CACNA2D1: variants seen among roughly 807,000 people sequenced by gnomAD.
CACNA2D1 encodes the protein calcium voltage-gated channel auxiliary subunit alpha2delta 1.
In CACNA2D1, 53 loss-of-function variants were observed where a neutral mutation model predicts 171.5. The ratio of observed to expected loss-of-function variants is 0.31; its 90% CI spans 0.25 to 0.39. The LOEUF is 0.39. CACNA2D1 is among the 10% of genes least tolerant of loss of function. The pLI is 1.00. For synonymous variants in CACNA2D1, 442 were observed against 443.1 expected, an observed-to-expected ratio of 1.00 and a Z score of 0.03; for missense variants, 903 against 1,299.8, an observed-to-expected ratio of 0.69 and a Z score of 4.69.
At chr7:82,198,298 C>T (rs1005207219) in intron 3 of CACNA2D1, among the ~76,000 whole-genome samples, 1 of 152,070 alleles carries the variant, frequency 6.6e-6, no homozygotes, top group Non-Finnish European at 1.5e-5. Context: ...GCACAAAGTA[C>T]TATGCTCCTA....
At chr7:82,173,639 C>T (rs3801720) in intron 3 of CACNA2D1, among the ~76,000 whole-genome samples, 1 of 148,280 alleles carries the variant, frequency 6.7e-6, no homozygotes, top group African/African-American at 2.6e-5. Flanking sequence ...TATAGAAAAC[C>T]GACATGTCTT....
chr7:82,329,180 C>T (rs1444336107), intron 3 of CACNA2D1, among the ~76,000 whole-genome samples: 5 of 151,930 alleles, frequency 3.3e-5, no homozygotes, highest in Non-Finnish European at 7.4e-5. Context: ...TCCAGGAAAA[C>T]AAAAACAAAA....
intron 3 of CACNA2D1, among the ~76,000 whole-genome samples, chr7:82,238,961 T>C (rs1461519148): frequency 7.9e-5 from 12 of 152,196 alleles, no homozygotes; most frequent in Admixed American, 2.6e-4. Context: ...ACAATCTTTA[T>C]TGAATGAAAA....
At chr7:82,423,255 A>G (rs1328984386) in intron 1 of CACNA2D1, among the ~76,000 whole-genome samples, 1 of 152,152 alleles carries the variant, frequency 6.6e-6, no homozygotes, top group Non-Finnish European at 1.5e-5. Context: ...AGAGAACTCA[A>G]CCTGCCCCAG....
At chr7:81,991,383 C>T in intron 20 of CACNA2D1, 137 bp from the exon 21 acceptor site, 1 of 530,102 alleles carries the variant, frequency 1.9e-6, no homozygotes. Flanking sequence ...CTATTTTATT[C>T]TATATTTATT....
At chr7:81,965,408 A>G (rs1041446432) in intron 32 of CACNA2D1, among the ~76,000 whole-genome samples, 186 bp downstream of exon 32, 2 of 151,972 alleles carry the variant, frequency 1.3e-5, no homozygotes, top group Non-Finnish European at 2.9e-5. Flanking sequence ...GTAAAATCAA[A>G]TAACATAAAA....
At chr7:82,234,297 T>C (rs1803294636) in intron 3 of CACNA2D1, among the ~76,000 whole-genome samples, 1 of 152,126 alleles carries the variant, frequency 6.6e-6, no homozygotes, top group East Asian at 1.9e-4. Flanking sequence ...CATCTTCCTA[T>C]ATTAATAGGT....
chr7:82,162,344 AAAAGAT>A (rs1347032522), intron 4 of CACNA2D1, among the ~76,000 whole-genome samples: 1 of 151,922 alleles, frequency 6.6e-6, no homozygotes, highest in East Asian at 1.9e-4. Context: ...TATGTGGATG[AAAAGAT>A]AAAGTGAAAA....
intron 3 of CACNA2D1, among the ~76,000 whole-genome samples, chr7:82,173,318 C>A (rs985967109): frequency 2.6e-5 from 4 of 151,890 alleles, no homozygotes; most frequent in African/African-American, 7.3e-5. Flanking sequence ...CCCTGTATTG[C>A]AAGACTCTGA....
chr7:82,003,246 T>C (rs6963849), intron 18 of CACNA2D1, among the ~76,000 whole-genome samples: 2,039 of 152,182 alleles, frequency 0.013, 50 homozygotes, highest in African/African-American at 0.045. Flanking sequence ...TTTTTCATGG[T>C]GTTCTGAAAT....
At chr7:82,080,070 T>C (rs1223092932) in intron 7 of CACNA2D1, among the ~76,000 whole-genome samples, 1 of 146,000 alleles carries the variant, frequency 6.8e-6, no homozygotes, top group Non-Finnish European at 1.5e-5. Flanking sequence ...TATATATACG[T>C]ATATATATGC....
intron 10 of CACNA2D1, among the ~76,000 whole-genome samples, chr7:82,052,292 C>T (rs938033391): frequency 6.6e-6 from 1 of 152,104 alleles, no homozygotes; most frequent in African/African-American, 2.4e-5. Flanking sequence ...GTTACAAAAG[C>T]TAAAGGTATA....
chr7:82,266,603 G>A (rs1234568056), intron 3 of CACNA2D1, among the ~76,000 whole-genome samples: 1 of 148,610 alleles, frequency 6.7e-6, no homozygotes, highest in Non-Finnish European at 1.5e-5. Context: ...TGCAACCTCC[G>A]CCTCCCGGTT....
chr7:82,253,050 C>A (rs1805862497), intron 3 of CACNA2D1, among the ~76,000 whole-genome samples: 1 of 151,852 alleles, frequency 6.6e-6, no homozygotes, highest in African/African-American at 2.4e-5. Flanking sequence ...TTAAGGGTGT[C>A]CAAAGGTCAG....
intron 7 of CACNA2D1, among the ~76,000 whole-genome samples, chr7:82,069,678 G>C (rs545062098): frequency 2.7e-5 from 4 of 150,000 alleles, no homozygotes; most frequent in South Asian, 4.3e-4. Flanking sequence ...GCCATTTTCT[G>C]GTTAACATGG....
intron 6 of CACNA2D1, among the ~76,000 whole-genome samples, chr7:82,100,695 G>A (rs1211723831): frequency 6.6e-6 from 1 of 152,158 alleles, no homozygotes; most frequent in African/African-American, 2.4e-5. Context: ...GTATACACAT[G>A]TGTATTTATG....
At chr7:82,154,302 C>T (rs1794145055) in intron 4 of CACNA2D1, among the ~76,000 whole-genome samples, 1 of 152,130 alleles carries the variant, frequency 6.6e-6, no homozygotes, top group Admixed American at 6.6e-5. Flanking sequence ...CGCTCAAATG[C>T]TTCAAGAAGT....
intron 30 of CACNA2D1, 65 bp from the exon 31 acceptor site, chr7:81,967,272 A>T: frequency 8.2e-7 from 1 of 1,214,460 alleles, no homozygotes; most frequent in Non-Finnish European, 1.2e-6. Flanking sequence ...TATTATTACC[A>T]TGTTATAATT....
chr7:82,194,983 T>C (rs1480317775), intron 3 of CACNA2D1, among the ~76,000 whole-genome samples: 2 of 152,050 alleles, frequency 1.3e-5, no homozygotes, highest in African/African-American at 4.8e-5. Flanking sequence ...GCACTTTAAG[T>C]TGCACTCTTT....
Sources: gnomAD v4.1 joint callset for allele counts (sites outside exome capture counted in the v4.1 genomes callset) on GRCh38, gnomAD v4.1.1 for gene constraint, MANE v1.5 for transcripts, NCBI Gene and HGNC (gene_info 2026-07-23, HGNC 2026-07-21) for gene names.